SIMC1: variants seen among roughly 807,000 people sequenced by gnomAD.
The protein encoded by SIMC1 is SUMO-interacting motif-containing protein 1.
A neutral mutation model predicts 82.3 loss-of-function variants in SIMC1; 55 were observed. That is an observed-to-expected ratio of 0.67 (90% CI 0.54 to 0.84). SIMC1 has a LOEUF of 0.84. Ranked by LOEUF, SIMC1 falls within the 40% of genes least tolerant of loss-of-function variation. The pLI, the probability that SIMC1 is intolerant of heterozygous loss-of-function variation, is 0.00. For synonymous variants in SIMC1, 353 were observed against 426.3 expected (o/e 0.83, Z 2.12); for missense variants, 915 against 1,107.2 (o/e 0.83, Z 2.46).
chr5:176,243,678 G>A (rs537548085), intron 1 of SIMC1, among the ~76,000 whole-genome samples: 2 of 151,980 alleles, frequency 1.3e-5, no homozygotes, highest in East Asian at 1.9e-4. Context: ...ACACCACCAC[G>A]CTTGACTAAT....
Position 176,295,890 on chromosome 5 carries a change from C to T in SIMC1, c.1665-361C>T, listed in dbSNP as rs556728209. On this transcript the variant is annotated intron_variant, in intron 3 of 9. Transcript: ENST00000429602. ...TTAATTGGCCTAATGAGAGACATGA[C>T]CATATCTTTGAGCCAATCACCGTGA... 3.9e-5 allele frequency among the ~76,000 whole-genome samples: 6 copies of T among 152,236 alleles called. No homozygotes were observed. The South Asian group carries it at 1.2e-3, about 32-fold the overall frequency.
intron 4 of SIMC1, chr5:176,308,205 G>A (rs185100761): frequency 2.0e-6 from 3 of 1,507,840 alleles, no homozygotes; most frequent in Non-Finnish European, 9.1e-7. Context: ...GATACAAGGA[G>A]TGACTCCAAA....
intron 1 of SIMC1, among the ~76,000 whole-genome samples, chr5:176,281,312 T>G (rs1178401007): frequency 6.6e-6 from 1 of 152,236 alleles, no homozygotes; most frequent in African/African-American, 2.4e-5. Context: ...CTGTATTGGT[T>G]ATTCTAGTTA....
rs1561698285 is a variant in SIMC1, at chr5:176,290,331, A to G, written c.807A>G (p.Pro269=). ...PALTHPPQEV[P]CPRQNIPGPP... is the part of the protein sequence containing the mutation. ...TAACTCACCCACCTCAAGAAGTGCC[A>G]TGCCCTCGGCAGAATATCCCAGGCC... Residue 269 remains proline (P), a synonymous_variant, in exon 2 of 10, where the codon CCA becomes CCG. Transcript: ENST00000429602. The G allele has an allele frequency of 1.9e-6, 3 of 1,613,902 alleles. No homozygotes were observed. The highest frequency in any genetic ancestry group is 2.2e-5 in the East Asian group (1 of 44,866).
intron 1 of SIMC1, among the ~76,000 whole-genome samples, chr5:176,262,347 A>T (rs1258159421): frequency 6.6e-6 from 1 of 151,994 alleles, no homozygotes; most frequent in East Asian, 1.9e-4. Flanking sequence ...AACTTCAGAA[A>T]GAACATCTAC....
chr5:176,327,411 A>G (rs957377749), intron 7 of SIMC1, among the ~76,000 whole-genome samples: 6 of 152,346 alleles, frequency 3.9e-5, no homozygotes, highest in Admixed American at 6.5e-5. Flanking sequence ...TTCTTGACCT[A>G]TCATTTTCCA....
At chr5:176,271,337 G>A (rs1762417486) in intron 1 of SIMC1, among the ~76,000 whole-genome samples, 1 of 152,144 alleles carries the variant, frequency 6.6e-6, no homozygotes, top group African/African-American at 2.4e-5. Context: ...TCCAGCCTGG[G>A]TGACAGAGCA....
chr5:176,281,772 T>TGAC (rs768893715), intron 1 of SIMC1, among the ~76,000 whole-genome samples: 2 of 152,220 alleles, frequency 1.3e-5, no homozygotes, highest in Non-Finnish European at 2.9e-5. Context: ...TGCTGCCGTC[T>TGAC]GATCGTTCCT....
chr5:176,242,051 G>A (rs993161924), intron 1 of SIMC1, among the ~76,000 whole-genome samples: 16 of 152,094 alleles, frequency 1.1e-4, no homozygotes, highest in African/African-American at 3.6e-4. Context: ...ACAAGTATAT[G>A]TGGAAAAAAA....
intron 2 of SIMC1, among the ~76,000 whole-genome samples, chr5:176,293,254 A>G (rs1763658396): frequency 6.6e-6 from 1 of 152,054 alleles, no homozygotes; most frequent in African/African-American, 2.4e-5. Flanking sequence ...CCTGGGCAAC[A>G]TAGTGAAACC....
chr5:176,277,312 A>C (rs1762754191), intron 1 of SIMC1, among the ~76,000 whole-genome samples: 1 of 151,312 alleles, frequency 6.6e-6, no homozygotes. Context: ...TTTTTCTTGT[A>C]AATTTGTTTG....
intron 5 of SIMC1, among the ~76,000 whole-genome samples, chr5:176,319,817 G>A (rs1307504522): frequency 6.6e-6 from 1 of 152,084 alleles, no homozygotes; most frequent in Admixed American, 6.6e-5. Flanking sequence ...TTTTTTGGGA[G>A]GAAGGAGAGG....
intron 7 of SIMC1, among the ~76,000 whole-genome samples, chr5:176,331,349 G>T (rs945275183): frequency 7.0e-6 from 1 of 143,024 alleles, no homozygotes; most frequent in Non-Finnish European, 1.5e-5. Flanking sequence ...CAGCCTGGGC[G>T]ACAGAGCGAG....
intron 1 of SIMC1, among the ~76,000 whole-genome samples, chr5:176,264,162 G>T (rs1762112311): frequency 6.6e-6 from 1 of 152,272 alleles, no homozygotes; most frequent in Non-Finnish European, 1.5e-5. Flanking sequence ...CCCACAGGTG[G>T]GAGTTGGGCC....
At position 176,290,191 on chromosome 5, in the gene SIMC1, CT is replaced by C; in HGVS notation, c.668del (p.Leu223ArgfsTer39). On this transcript the variant is annotated frameshift_variant, in exon 2 of 10. Coordinates refer to ENST00000429602, the MANE Select transcript of SIMC1 (RefSeq NM_001308195.2). LOFTEE classifies it high-confidence loss of function. ...CCCACCACAGGCCTTGCCGTGCCCC[CT>C]GCGACCTTTGCCATGCCCACCGAGA... ...SRPPQALPCP[L>X]RPLPCPPRAS... 2 of 1,608,442 alleles carry C rather than the reference CT, an allele frequency of 1.2e-6. No individual in the cohort carries two copies. Among genetic ancestry groups the C allele is most frequent in the South Asian group, 2.2e-5 (2 of 90,660 alleles).
Position 176,290,343 on chromosome 5 carries a change from G to A in SIMC1, c.819G>A (p.Gln273=), listed in dbSNP as rs1478957644. 6.2e-7 allele frequency: 1 copy of A among 1,613,914 alleles called. No individual in the cohort carries two copies. The highest frequency in any genetic ancestry group is 8.5e-7 in the Non-Finnish European group (1 of 1,179,890). ...HPPQEVPCPR[Q]NIPGPPQDSL... ...CTCAAGAAGTGCCATGCCCTCGGCA[G>A]AATATCCCAGGCCCACCTCAAGACT... Residue 273 remains glutamine (Q), a synonymous_variant, in exon 2 of 10, where the codon CAG becomes CAA. Coordinates refer to ENST00000429602, the MANE Select transcript of SIMC1 (RefSeq NM_001308195.2).
intron 6 of SIMC1, among the ~76,000 whole-genome samples, chr5:176,324,355 A>C (rs543637560): frequency 6.6e-6 from 1 of 152,154 alleles, no homozygotes; most frequent in African/African-American, 2.4e-5. Flanking sequence ...GTGTGGTTCT[A>C]TTTTTGAATT....
intron 4 of SIMC1, chr5:176,308,270 A>G: frequency 6.6e-7 from 1 of 1,506,790 alleles, no homozygotes; most frequent in East Asian, 2.3e-5. Context: ...TGATGCCATC[A>G]GAATTGTTCA....
In SIMC1 at chr5:176,293,434, C is replaced by CA. The variant is rs562489299; in HGVS notation, c.1432-1582dup. Reference sequence around the variant, plus strand: ...TGGGCGACACAGCGAGACCCCATCTCAAAAAAAAAAAAAATTAATTGTTTA... The same window carrying CA: ...TGGGCGACACAGCGAGACCCCATCTCAAAAAAAAAAAAAAATTAATTGTTTA... On this transcript the variant is annotated intron_variant, in intron 2 of 9. Transcript: ENST00000429602. Among the ~76,000 whole-genome samples, 372 of 134,636 alleles carry CA rather than the reference C, an allele frequency of 2.8e-3. 1 individual carries two copies. The highest frequency in any genetic ancestry group is 0.012 in the Middle Eastern group (3 of 254). The allele number at this position is 134,636 out of a possible 152,430, so 88.3% of individuals were successfully genotyped here.
Sources: allele counts gnomAD v4.1 joint callset (sites outside exome capture counted in the v4.1 genomes callset), GRCh38; gene constraint gnomAD v4.1.1; transcripts MANE v1.5; gene names NCBI Gene and HGNC (gene_info 2026-07-23, HGNC 2026-07-21).